METTL15: variants seen among roughly 807,000 people sequenced by gnomAD.
METTL15 encodes methyltransferase 15, mitochondrial 12S rRNA N4-cytidine, also known as 12S rRNA N(4)-cytidine methyltransferase METTL15.
A neutral mutation model predicts 38.3 loss-of-function variants in METTL15; 34 were observed. The observed-to-expected ratio is 0.89, with a 90% confidence interval of 0.68 to 1.18. The LOEUF is 1.18. METTL15 is among the 50% of genes most tolerant of loss of function. METTL15 has a pLI of 0.00. For missense variants in METTL15, 438 were observed against 498.4 expected (o/e 0.88, Z 1.15); for synonymous variants, 162 against 170.9 (o/e 0.95, Z 0.41).
intron 6 of METTL15, among the ~76,000 whole-genome samples, chr11:28,483,196 A>G (rs1455399618): frequency 6.6e-6 from 1 of 152,288 alleles, no homozygotes; most frequent in African/African-American, 2.4e-5. Flanking sequence ...TTATGTGAGC[A>G]CTTTGAGCTC....
chr11:28,446,227 G>C (rs895888705), intron 6 of METTL15, among the ~76,000 whole-genome samples: 2 of 152,004 alleles, frequency 1.3e-5, no homozygotes, highest in African/African-American at 4.8e-5. Context: ...GGACTGACAG[G>C]GACCTTGAAG....
At chr11:28,349,601 A>G (rs978813379) in intron 3 of METTL15, among the ~76,000 whole-genome samples, 4 of 152,234 alleles carry the variant, frequency 2.6e-5, no homozygotes, top group Non-Finnish European at 5.9e-5. Context: ...AATTGTGAGT[A>G]TGTTTAGTTC....
At chr11:28,368,193 C>T (rs1017720252) in intron 5 of METTL15, among the ~76,000 whole-genome samples, 22 of 115,364 alleles carry the variant, frequency 1.9e-4, no homozygotes, top group African/African-American at 6.9e-4. Flanking sequence ...AAAAACACAA[C>T]TAAAATCAGG....
At chr11:28,172,539 T>G (rs1850896206) in intron 3 of METTL15, among the ~76,000 whole-genome samples, 1 of 152,200 alleles carries the variant, frequency 6.6e-6, no homozygotes, top group Non-Finnish European at 1.5e-5. Flanking sequence ...TTATTGTTCC[T>G]AATAGCTTCC....
At chr11:28,174,310 A>AT (rs1265650436) in intron 3 of METTL15, among the ~76,000 whole-genome samples, 1 of 151,428 alleles carries the variant, frequency 6.6e-6, no homozygotes, top group African/African-American at 2.4e-5. Flanking sequence ...AGTTAGTGAG[A>AT]TTTTCCCACT....
At chr11:28,399,070 A>G (rs991307314) in intron 5 of METTL15, 1 of 152,126 alleles carries the variant, frequency 6.6e-6, no homozygotes, top group African/African-American at 2.4e-5. Context: ...TACAGTAACC[A>G]AAACAGCATA....
intron 5 of METTL15, among the ~76,000 whole-genome samples, chr11:28,292,409 T>G (rs1370320276): frequency 1.3e-5 from 2 of 152,078 alleles, no homozygotes; most frequent in East Asian, 3.9e-4. Context: ...TATGGCTGCA[T>G]AGTATTCCAT....
chr11:28,220,087 C>G (rs1167731342), intron 4 of METTL15, among the ~76,000 whole-genome samples: 1 of 152,162 alleles, frequency 6.6e-6, no homozygotes, highest in East Asian at 1.9e-4. Context: ...CCGCTTTGTG[C>G]AGAGCTGAGT....
Position 28,176,885 on chromosome 11 carries a change from A to G in METTL15, c.271-34177A>G, listed in dbSNP as rs1012730954. ...CTGGCAAGAAATACACACTTGATAA[A>G]TACTACCTGTTATTCTTGTCAAAGT... On this transcript the variant is annotated intron_variant, in intron 3 of 6. Coordinates refer to ENST00000407364, the MANE Select transcript of METTL15 (RefSeq NM_001113528.2). Among the ~76,000 whole-genome samples the G allele has an allele frequency of 3.9e-5, 6 of 152,144 alleles. No homozygotes were observed. The East Asian group carries it at 9.6e-4, about 24-fold the overall frequency.
intron 6 of METTL15, among the ~76,000 whole-genome samples, chr11:28,490,469 A>T (rs1440136485): frequency 6.6e-6 from 1 of 152,098 alleles, no homozygotes; most frequent in Non-Finnish European, 1.5e-5. Flanking sequence ...TGCCATGGAA[A>T]CACGTTTGGT....
chr11:28,210,541 A>T (rs988746457), intron 3 of METTL15, among the ~76,000 whole-genome samples: 4 of 151,724 alleles, frequency 2.6e-5, no homozygotes, highest in African/African-American at 9.7e-5. Flanking sequence ...TACAATCTGT[A>T]AGTTTGTCAG....
At chr11:28,341,718 TA>T (rs1849954400) in intron 3 of METTL15, among the ~76,000 whole-genome samples, 1 of 152,216 alleles carries the variant, frequency 6.6e-6, no homozygotes, top group Admixed American at 6.5e-5. Flanking sequence ...GTTTGTCAAA[TA>T]GGCTAAAATA....
intron 5 of METTL15, among the ~76,000 whole-genome samples, chr11:28,411,316 A>G (rs78697215): frequency 0.016 from 2,389 of 152,162 alleles, 28 homozygotes; most frequent in Middle Eastern, 0.031. Flanking sequence ...TGGAGGCATC[A>G]CATCTTGATT....
chr11:28,329,402 T>C (rs564352010), intron 6 of METTL15, among the ~76,000 whole-genome samples: 3 of 152,266 alleles, frequency 2.0e-5, no homozygotes, highest in East Asian at 3.9e-4. Context: ...CTTTATTCTT[T>C]TTTTTCTTTC....
intron 4 of METTL15, among the ~76,000 whole-genome samples, chr11:28,253,154 C>T (rs575104830): frequency 2.9e-4 from 44 of 152,272 alleles, no homozygotes; most frequent in African/African-American, 1.1e-3. Flanking sequence ...CCCCTAAGCT[C>T]CACTGAAGTT....
At chr11:28,429,101 G>A (rs545557256) in intron 6 of METTL15, among the ~76,000 whole-genome samples, 2 of 152,166 alleles carry the variant, frequency 1.3e-5, no homozygotes, top group African/African-American at 4.8e-5. Context: ...AGTACAGCTG[G>A]GTCAGCCTCT....
chr11:28,297,747 A>G (rs538793292), intron 6 of METTL15, among the ~76,000 whole-genome samples: 1 of 152,076 alleles, frequency 6.6e-6, no homozygotes, highest in Non-Finnish European at 1.5e-5. Flanking sequence ...ACCCTGTATC[A>G]TTTTTATTTA....
intron 3 of METTL15, among the ~76,000 whole-genome samples, chr11:28,191,571 A>G (rs1334302923): frequency 2.0e-5 from 3 of 151,588 alleles, no homozygotes; most frequent in Non-Finnish European, 3.0e-5. Context: ...GTACATGGAT[A>G]TAAATCTGTT....
In METTL15 at chr11:28,346,772, A is replaced by C. The variant is rs573691465; in HGVS notation, c.*190-5318A>C. 5.3e-5 allele frequency among the ~76,000 whole-genome samples: 8 copies of C among 152,340 alleles called. No homozygotes were observed. The South Asian group carries it at 1.7e-3, about 32-fold the overall frequency. On this transcript the variant is annotated intron_variant and NMD_transcript_variant, in intron 3 of 7. Coordinates refer to the METTL15 transcript ENST00000532947. Reference sequence around the variant, plus strand: ...TTTATTTAAGGCATGTATAGTTACTAACCAGCATGTGTTTCGTGTACAACA... The same window carrying C: ...TTTATTTAAGGCATGTATAGTTACTCACCAGCATGTGTTTCGTGTACAACA...
Sources: gnomAD v4.1 joint callset for allele counts (sites outside exome capture counted in the v4.1 genomes callset) on GRCh38, gnomAD v4.1.1 for gene constraint, MANE v1.5 for transcripts, NCBI Gene and HGNC (gene_info 2026-07-23, HGNC 2026-07-21) for gene names.